BSN: variants seen among roughly 807,000 people sequenced by gnomAD.
The protein encoded by BSN is protein bassoon.
In BSN, 57 loss-of-function variants were observed where a neutral mutation model predicts 264.8. The ratio of observed to expected loss-of-function variants is 0.22; its 90% CI spans 0.17 to 0.27. BSN has a LOEUF of 0.27. BSN is among the 10% of genes least tolerant of loss of function. The pLI, the probability that BSN is intolerant of heterozygous loss-of-function variation, is 1.00. For synonymous variants in BSN, 2,059 were observed against 2,137.3 expected, an observed-to-expected ratio of 0.96 and a Z score of 1.01; for missense variants, 4,615 against 5,232.5, an observed-to-expected ratio of 0.88 and a Z score of 3.64.
chr3:49,591,094 G>A (rs2051973653), intron 1 of BSN, among the ~76,000 whole-genome samples: 1 of 151,828 alleles, frequency 6.6e-6, no homozygotes, highest in African/African-American at 2.4e-5. Context: ...AAAAAAAGAA[G>A]CTGAGAGGAA....
At chr3:49,606,225 TAC>T (rs1559603612) in intron 1 of BSN, among the ~76,000 whole-genome samples, 36 of 51,128 alleles carry the variant, frequency 7.0e-4, no homozygotes, top group African/African-American at 1.3e-3. Context: ...ATATTATATA[TAC>T]ATATATTATA....
At position 49,606,035 on chromosome 3, in the gene BSN, ATATAT is replaced by A. The variant is rs1186731066; in HGVS notation, c.225-18929_225-18925del. 7.3e-3 allele frequency among the ~76,000 whole-genome samples: 680 copies of A among 92,752 alleles called. 4 individuals are homozygous for A. The highest frequency in any genetic ancestry group is 0.01 in the Non-Finnish European group (557 of 54,280). The allele number at this position is 92,752 out of a possible 152,430, so 60.8% of individuals were successfully genotyped here. ...ATAGAAATATATATTTATATACATA[ATATAT>A]TATATTATATATAATTATAAATATA... On this transcript the variant is annotated intron_variant, in intron 1 of 11. Transcript: ENST00000296452.
intron 1 of BSN, among the ~76,000 whole-genome samples, chr3:49,565,470 G>A (rs2051745785): frequency 6.6e-6 from 1 of 151,392 alleles, no homozygotes; most frequent in African/African-American, 2.4e-5. Flanking sequence ...ACAGCCGCCC[G>A]CCACTACTCC....
In BSN at chr3:49,656,768, C is replaced by A. The variant is rs2052606405; in HGVS notation, c.7212C>A (p.His2404Gln). 1.9e-6 allele frequency: 3 copies of A among 1,581,724 alleles called. No individual in the cohort carries two copies. Among genetic ancestry groups the A allele is most frequent in the Non-Finnish European group, 2.6e-6 (3 of 1,163,854 alleles). Residue 2404 changes from histidine (H) to glutamine (Q), a missense_variant, in exon 5 of 12, where the codon CAC becomes CAA. Physicochemically the swap from His to Gln is conservative, Grantham distance 24. Transcript: ENST00000296452. ...LERERVELQR[H>Q]REEEQLLVQR... is the part of the protein sequence containing the mutation. ...GGGAACGTGTGGAGCTGCAGAGGCA[C>A]CGTGAGGAGGAGCAGCTGCTGGTGC...
At position 49,660,834 on chromosome 3, in the gene BSN, C is replaced by T. The variant is rs200620022; in HGVS notation, c.8989C>T (p.Arg2997Cys). The change falls in exon 6 of 12, where the codon CGT (arginine) becomes TGT (cysteine). Residue 2997 changes from arginine (R) to cysteine (C), a missense_variant. Around this residue, in one of 3 missense-constraint regions of BSN, gnomAD observed 3,415 missense variants for 3,866.4 expected, o/e 0.88. Transcript: ENST00000296452. The surrounding 1 kb of genome is among the most constrained non-coding windows in gnomAD (Gnocchi z 7.1). The part of the protein sequence containing the change: ...KESLAKDRGG[R>C]DYPPLRGLGE... ...GTCTTTGGCCAAAGACCGGGGTGGC[C>T]GTGACTACCCACCCTTGCGTGGTCT... The T allele has an allele frequency of 1.7e-5, 28 of 1,613,018 alleles. No homozygotes were observed. Among genetic ancestry groups the T allele is most frequent in the African/African-American group, 2.7e-5 (2 of 74,920 alleles).
chr3:49,582,682 A>T (rs1575428812), intron 1 of BSN, among the ~76,000 whole-genome samples: 1 of 152,152 alleles, frequency 6.6e-6, no homozygotes, highest in East Asian at 1.9e-4. Flanking sequence ...ACTATGTTAG[A>T]TAGAAATGGT....
chr3:49,660,847 C>G lies in BSN; in HGVS notation c.9002C>G (p.Pro3001Arg), dbSNP rs376748376. ...AKDRGGRDYPPLRGLGEHRDY... is the reference protein window; with the variant it reads ...AKDRGGRDYPRLRGLGEHRDY... ...GACCGGGGTGGCCGTGACTACCCAC[C>G]CTTGCGTGGTCTTGGCGAGCATCGT... The change falls in exon 6 of 12, where the codon CCC becomes CGC. Residue 3001 changes from proline to arginine, a missense_variant. By Grantham distance (103) the Pro-to-Arg change is moderately radical. Coordinates refer to ENST00000296452, the MANE Select transcript of BSN (RefSeq NM_003458.4). The surrounding 1 kb of genome is among the most constrained non-coding windows in gnomAD (Gnocchi z 7.1). 6.2e-7 allele frequency: 1 copy of G among 1,613,268 alleles called. No individual in the cohort carries two copies. The highest frequency in any genetic ancestry group is 8.5e-7 in the Non-Finnish European group (1 of 1,180,002).
rs758344485 is a variant in BSN, at chr3:49,657,859, T to C, written c.8303T>C (p.Ile2768Thr). 12 of 1,612,902 alleles carry C rather than the reference T, an allele frequency of 7.4e-6. No homozygotes were observed. Among genetic ancestry groups the C allele is most frequent in the Non-Finnish European group, 1.0e-5 (12 of 1,179,710 alleles). ...AAAAAGAAGCCAGATCCCCTGGAGA[T>C]TGGGTACCAGGCCCACCTGCCTCCG... ...FEKKKPDPLE[I>T]GYQAHLPPES... The change falls in exon 5 of 12, where the codon ATT (isoleucine) becomes ACT (threonine). Residue 2768 changes from isoleucine to threonine, a missense_variant. This residue lies in a region of BSN where 3,415 missense variants were observed against 3,866.4 expected (regional missense o/e 0.88). Transcript: ENST00000296452.
In BSN at chr3:49,554,803, C is replaced by CGGTCCCGGCCCT; in HGVS notation, c.204_215dup (p.Pro71_Gly74dup). The CGGTCCCGGCCCT allele has an allele frequency of 8.2e-7, 1 of 1,223,138 alleles. No homozygotes were observed. The highest frequency in any genetic ancestry group is 3.2e-4 in the Middle Eastern group (1 of 3,174). The allele number at this position is 1,223,138 out of a possible 1,614,324, so 75.8% of individuals were successfully genotyped here. On this transcript the variant is annotated inframe_insertion, in exon 1 of 12. Coordinates refer to ENST00000296452, the MANE Select transcript of BSN (RefSeq NM_003458.4). ...CGGTCCCTGGCCCCGGCCCCGGCCC[C>CGGTCCCGGCCCT]GGTCCCGGCCCTGGCCCGGGCAGGT...
At chr3:49,561,018 G>A (rs370921420) in intron 1 of BSN, among the ~76,000 whole-genome samples, 10 of 152,166 alleles carry the variant, frequency 6.6e-5, no homozygotes, top group Admixed American at 3.3e-4. Flanking sequence ...CCTATTATTC[G>A]TCTTTACGGG....
At chr3:49,563,206 G>A (rs2051728144) in intron 1 of BSN, among the ~76,000 whole-genome samples, 1 of 152,162 alleles carries the variant, frequency 6.6e-6, no homozygotes, top group African/African-American at 2.4e-5. Flanking sequence ...CTGGAGCCAG[G>A]GGCGGGGCTG....
intron 3 of BSN, among the ~76,000 whole-genome samples, chr3:49,650,053 C>T (rs55754265): frequency 0.089 from 13,582 of 152,272 alleles, 839 homozygotes; most frequent in Middle Eastern, 0.14. Flanking sequence ...GGGTTACTCC[C>T]AGACAGCCTC....
chr3:49,611,775 T>C (rs941839976), intron 1 of BSN, among the ~76,000 whole-genome samples: 1 of 152,190 alleles, frequency 6.6e-6, no homozygotes, highest in African/African-American at 2.4e-5. Context: ...GAAATGTCAA[T>C]GTCTTGGGTT....
intron 2 of BSN, among the ~76,000 whole-genome samples, chr3:49,630,258 T>C (rs9883000): frequency 0.82 from 124,589 of 152,202 alleles, 51,353 homozygotes; most frequent in East Asian, 0.99. Context: ...AGGTGTCTTC[T>C]GCTTTCCTGG....
rs1224202753 is a variant in BSN at position 49,554,731 on chromosome 3, C to T, written c.129C>T (p.Gly43=). The change falls in exon 1 of 12, where the codon GGC becomes GGT. Residue 43 remains glycine (G), a synonymous_variant. Coordinates refer to ENST00000296452, the MANE Select transcript of BSN (RefSeq NM_003458.4). ...AGKPPSAPAG[G]GQLPAAGAAR... Reference sequence around the variant, plus strand: ...AGCCGCCTTCAGCACCGGCCGGTGGCGGACAGCTCCCCGCGGCGGGAGCAG... The same window carrying T: ...AGCCGCCTTCAGCACCGGCCGGTGGTGGACAGCTCCCCGCGGCGGGAGCAG... 31 of 1,223,946 alleles carry T rather than the reference C, an allele frequency of 2.5e-5. No homozygotes were observed. Among genetic ancestry groups the T allele is most frequent in the Non-Finnish European group, 3.1e-5 (30 of 979,880 alleles). 75.8% of individuals were successfully genotyped at this position (1,223,946 alleles called of 1,614,324 possible).
At position 49,653,820 on chromosome 3, in the gene BSN, A is replaced by T; in HGVS notation, c.4264A>T (p.Ser1422Cys). The part of the protein sequence containing the change: ...PSSTAHSYGH[S>C]PTTANYGSQT... ...TTCCACAGCCCACAGCTATGGACAC[A>T]GCCCAACCACTGCAAACTATGGGTC... The change falls in exon 5 of 12, where the codon AGC (serine) becomes TGC (cysteine). Residue 1422 changes from serine to cysteine, a missense_variant. By Grantham distance (112) the Ser-to-Cys change is moderately radical. Transcript: ENST00000296452. This position sits in a 1 kb window ranked among gnomAD's most constrained non-coding sequence, Gnocchi z 6.3. The T allele has an allele frequency of 6.2e-7, 1 of 1,614,130 alleles. No individual in the cohort carries two copies. The highest frequency in any genetic ancestry group is 8.5e-7 in the Non-Finnish European group (1 of 1,180,006).
chr3:49,571,284 A>G (rs1031957063), intron 1 of BSN, among the ~76,000 whole-genome samples: 7 of 152,154 alleles, frequency 4.6e-5, no homozygotes, highest in African/African-American at 1.7e-4. Flanking sequence ...CAGGGGCAGG[A>G]CAGGGAAGAG....
In BSN at chr3:49,657,570, T is replaced by C; in HGVS notation, c.8014T>C (p.Cys2672Arg). 6.2e-7 allele frequency: 1 copy of C among 1,613,114 alleles called. No individual in the cohort carries two copies. The highest frequency in any genetic ancestry group is 8.5e-7 in the Non-Finnish European group (1 of 1,179,978). ...SSVGIQTISD[C>R]SVQTEPDQLP... Reference sequence around the variant, plus strand: ...CGTGGGCATCCAGACCATCAGTGACTGCTCCGTGCAGACGGAGCCTGACCA... The same window carrying C: ...CGTGGGCATCCAGACCATCAGTGACCGCTCCGTGCAGACGGAGCCTGACCA... Residue 2672 changes from cysteine (C) to arginine (R), a missense_variant, in exon 5 of 12, where the codon TGC becomes CGC. Around this residue, in one of 3 missense-constraint regions of BSN, gnomAD observed 3,415 missense variants for 3,866.4 expected, o/e 0.88. Coordinates refer to ENST00000296452, the MANE Select transcript of BSN (RefSeq NM_003458.4).
intron 1 of BSN, among the ~76,000 whole-genome samples, chr3:49,572,044 C>T (rs1532204): frequency 2.0e-5 from 3 of 152,042 alleles, no homozygotes; most frequent in African/African-American, 7.3e-5. Context: ...GAGTTCACAG[C>T]GGAAACACAA....
Sources: allele counts gnomAD v4.1 joint callset (sites outside exome capture counted in the v4.1 genomes callset), GRCh38; gene constraint gnomAD v4.1.1; regional missense constraint gnomAD v4.1.1; non-coding constraint Gnocchi (gnomAD v3.1); transcripts MANE v1.5; gene names NCBI Gene and HGNC (gene_info 2026-07-23, HGNC 2026-07-21).